Variants in GPC6 observed in about 807,000 individuals in gnomAD.
GPC6 encodes the protein glypican 6.
A neutral mutation model predicts 55.2 loss-of-function variants in GPC6; 14 were observed. The observed-to-expected ratio is 0.25, with a 90% confidence interval of 0.17 to 0.40. The LOEUF (loss-of-function observed/expected upper bound fraction) is 0.40. Among genes scored for constraint, GPC6 ranks in the 10% least tolerant of loss-of-function variants. GPC6 has a pLI of 1.00. For missense variants in GPC6, 641 were observed against 708.5 expected (o/e 0.90, Z 1.08); for synonymous variants, 278 against 259.6 (o/e 1.07, Z -0.68).
intron 1 of GPC6, among the ~76,000 whole-genome samples, chr13:93,247,956 T>C (rs1876658943): frequency 6.6e-6 from 1 of 152,186 alleles, no homozygotes; most frequent in African/African-American, 2.4e-5. Context: ...CCAAAAAACA[T>C]GAAATTATAT....
chr13:94,071,697 G>C (rs143416466), intron 4 of GPC6, among the ~76,000 whole-genome samples: 1 of 152,106 alleles, frequency 6.6e-6, no homozygotes, highest in Non-Finnish European at 1.5e-5. Context: ...AGTGCTTCTG[G>C]TTCAGAAAAG....
At chr13:93,467,814 T>C (rs1878968466) in intron 1 of GPC6, among the ~76,000 whole-genome samples, 1 of 151,864 alleles carries the variant, frequency 6.6e-6, no homozygotes, top group African/African-American at 2.4e-5. Flanking sequence ...TGGTCTCGAA[T>C]TCCTAGGCTG....
chr13:94,302,043 G>C (rs1317441935), intron 5 of GPC6, among the ~76,000 whole-genome samples: 1 of 152,170 alleles, frequency 6.6e-6, no homozygotes, highest in African/African-American at 2.4e-5. Flanking sequence ...TCAGAAAATT[G>C]AGACGGTCCA....
At chr13:93,446,292 C>A in intron 1 of GPC6, among the ~76,000 whole-genome samples, 1 of 152,164 alleles carries the variant, frequency 6.6e-6, no homozygotes, top group African/African-American at 2.4e-5. Context: ...GTTTTTCATC[C>A]TAGAGCAGAC....
intron 1 of GPC6, among the ~76,000 whole-genome samples, chr13:93,272,492 GTATATATA>G (rs61556173): frequency 0.23 from 31,457 of 137,148 alleles, 3,519 homozygotes; most frequent in East Asian, 0.33. Context: ...TTGTCTGTGT[GTATATATA>G]TATATATATA....
chr13:93,536,598 A>G (rs1173219136), intron 1 of GPC6, among the ~76,000 whole-genome samples: 4 of 152,156 alleles, frequency 2.6e-5, no homozygotes, highest in African/African-American at 7.2e-5. Context: ...TTGTATGTGT[A>G]TACTAGAAGT....
chr13:93,388,585 T>A (rs2139214262), intron 1 of GPC6, among the ~76,000 whole-genome samples: 1 of 152,322 alleles, frequency 6.6e-6, no homozygotes, highest in East Asian at 1.9e-4. Context: ...TCTCTCAAGC[T>A]GAGGTATATG....
intron 4 of GPC6, among the ~76,000 whole-genome samples, chr13:94,088,823 T>C (rs1417335360): frequency 4.6e-5 from 7 of 152,314 alleles, no homozygotes; most frequent in African/African-American, 1.4e-4. Context: ...GCTCTACTCA[T>C]TGACTTTACA....
intron 1 of GPC6, among the ~76,000 whole-genome samples, chr13:93,345,280 T>C (rs1880388308): frequency 6.6e-6 from 1 of 152,076 alleles, no homozygotes; most frequent in Non-Finnish European, 1.5e-5. Flanking sequence ...ACAAACTGTT[T>C]CACAGGGTTG....
chr13:93,864,087 T>G lies in GPC6; in HGVS notation c.711+33542T>G, dbSNP rs537874883. Among the ~76,000 whole-genome samples, 3 of 151,840 alleles carry G rather than the reference T, an allele frequency of 2.0e-5. No individual in the cohort carries two copies. The South Asian group carries it at 6.2e-4, about 31-fold the overall frequency. ...AAAATTTCCTTAATTTTCTCTTGTA[T>G]TTTGGATATACCATAATCCTACCTA... On this transcript the variant is annotated intron_variant, in intron 3 of 8. Coordinates refer to ENST00000377047, the MANE Select transcript of GPC6 (RefSeq NM_005708.5).
intron 3 of GPC6, among the ~76,000 whole-genome samples, chr13:93,975,998 C>G (rs1880499505): frequency 6.6e-6 from 1 of 152,030 alleles, no homozygotes; most frequent in Non-Finnish European, 1.5e-5. Flanking sequence ...TTACTATTAG[C>G]AAGACCTTTA....
intron 4 of GPC6, among the ~76,000 whole-genome samples, chr13:94,067,757 T>A (rs1566360916): frequency 1.3e-5 from 2 of 152,154 alleles, no homozygotes; most frequent in Non-Finnish European, 2.9e-5. Context: ...GAGAGTATGT[T>A]TATATGTTTG....
intron 2 of GPC6, among the ~76,000 whole-genome samples, chr13:93,657,818 A>G (rs1242052226): frequency 3.9e-5 from 6 of 152,170 alleles, no homozygotes; most frequent in Non-Finnish European, 7.4e-5. Context: ...TTCTCAAAAG[A>G]AGACATACAC....
chr13:93,879,722 A>G (rs1874835753), intron 3 of GPC6, among the ~76,000 whole-genome samples: 3 of 152,098 alleles, frequency 2.0e-5, no homozygotes, highest in African/African-American at 7.2e-5. Context: ...ATGGGATCTA[A>G]ATAAACTAAA....
At chr13:93,383,005 C>A (rs1335094906) in intron 1 of GPC6, among the ~76,000 whole-genome samples, 7 of 152,080 alleles carry the variant, frequency 4.6e-5, no homozygotes, top group Non-Finnish European at 1.0e-4. Flanking sequence ...TCAAATCAAT[C>A]CATAATTGCG....
At chr13:93,882,108 C>T (rs918920143) in intron 3 of GPC6, among the ~76,000 whole-genome samples, 3 of 147,534 alleles carry the variant, frequency 2.0e-5, no homozygotes, top group African/African-American at 5.0e-5. Context: ...TTTTCTTTCG[C>T]GGATTTTAAT....
rs779571682 is a variant in GPC6 at position 93,584,684 on chromosome 13, GTTTTTTT to G, written c.319+39281_319+39287del. On this transcript the variant is annotated intron_variant, in intron 2 of 8. Transcript: ENST00000377047. ...CACGTTACCATGTTACCTTCTGAAA[GTTTTTTT>G]TTTTTTTTTTTTTTTTTGAGACAGG... 6.3e-3 allele frequency among the ~76,000 whole-genome samples: 606 copies of G among 95,576 alleles called. 3 individuals carry two copies. The highest frequency in any genetic ancestry group is 0.023 in the Middle Eastern group (3 of 132). The allele number at this position is 95,576 out of a possible 152,430, so 62.7% of individuals were successfully genotyped here. A position where few individuals can be genotyped will look rare whatever the true frequency, so the allele number is the denominator to read the frequency against.
chr13:94,008,764 G>A (rs1188792972), intron 3 of GPC6, among the ~76,000 whole-genome samples: 1 of 152,110 alleles, frequency 6.6e-6, no homozygotes, highest in East Asian at 1.9e-4. Flanking sequence ...ATGAACTAAA[G>A]ATCTAAATTT....
In GPC6 at chr13:93,559,883, A is replaced by G. The variant is rs550790923; in HGVS notation, c.319+14462A>G. On this transcript the variant is annotated intron_variant, in intron 2 of 8. Coordinates refer to ENST00000377047, the MANE Select transcript of GPC6 (RefSeq NM_005708.5). ...ATCCCATTTCTTTATCCTAAGGTTC[A>G]CTAACTGTGGTTAATATTGAGCCAA... Among the ~76,000 whole-genome samples, 3 of 152,282 alleles carry G rather than the reference A, an allele frequency of 2.0e-5. No homozygotes were observed. The East Asian group carries it at 5.8e-4, about 30-fold the overall frequency.
Sources: allele counts gnomAD v4.1 joint callset (sites outside exome capture counted in the v4.1 genomes callset), GRCh38; gene constraint gnomAD v4.1.1; transcripts MANE v1.5; gene names NCBI Gene and HGNC (gene_info 2026-07-23, HGNC 2026-07-21).